The following SLC25A26 variants were observed in gnomAD, a reference collection of about 807,000 sequenced individuals.
SLC25A26 encodes mitochondrial S-adenosylmethionine carrier protein.
Under a neutral mutation model 37.8 loss-of-function variants are expected in SLC25A26, and 36 were observed. The ratio of observed to expected loss-of-function variants is 0.95; its 90% CI spans 0.73 to 1.26. The LOEUF is 1.26. Ranked by LOEUF, SLC25A26 falls within the 50% of genes most tolerant of loss-of-function variation. SLC25A26 has a pLI of 0.00. For missense variants in SLC25A26, 390 were observed against 331.1 expected (o/e 1.18, Z -1.38); for synonymous variants, 129 against 122.5 (o/e 1.05, Z -0.35).
chr3:66,225,623 C>T lies in SLC25A26; in HGVS notation c.33+4496C>T, dbSNP rs576270943. Among the ~76,000 whole-genome samples, 4 of 152,334 alleles carry T rather than the reference C, an allele frequency of 2.6e-5. No individual in the cohort carries two copies. The South Asian group carries it at 8.3e-4, about 32-fold the overall frequency. On this transcript the variant is annotated intron_variant, in intron 1 of 9. Transcript: ENST00000354883. Reference sequence around the variant, plus strand: ...GACTCCTGGTTATTTATGCAAATTTCTGCAGCCAGCTTGAATTTTTCTCCA... The same window carrying T: ...GACTCCTGGTTATTTATGCAAATTTTTGCAGCCAGCTTGAATTTTTCTCCA...
At chr3:66,326,351 A>G (rs902603498) in intron 5 of SLC25A26, among the ~76,000 whole-genome samples, 2 of 152,206 alleles carry the variant, frequency 1.3e-5, no homozygotes, top group African/African-American at 2.4e-5. Flanking sequence ...TGTCCCTGCA[A>G]AGTTCTGAGG....
chr3:66,357,543 C>A (rs577978298), intron 6 of SLC25A26, among the ~76,000 whole-genome samples: 1 of 152,090 alleles, frequency 6.6e-6, no homozygotes, highest in Non-Finnish European at 1.5e-5. Flanking sequence ...CAGCCTCCTC[C>A]GTGAGTTGAG....
rs115205769 is a variant in SLC25A26 at position 66,329,935 on chromosome 3, G to C, written c.454-16429G>C. 8.1e-3 allele frequency among the ~76,000 whole-genome samples: 1,226 copies of C among 152,230 alleles called. 14 individuals are homozygous for C. Among genetic ancestry groups the C allele is most frequent in the African/African-American group, 0.028 (1,180 of 41,544 alleles). ...AGCTATGGTATTGATCTTTATAACT[G>C]CTTTAGCATGTTTTTTGTAGGGATC... On this transcript the variant is annotated intron_variant, in intron 5 of 9. Coordinates refer to ENST00000354883, the MANE Select transcript of SLC25A26 (RefSeq NM_001379210.1).
chr3:66,347,921 G>A (rs1329726433), intron 6 of SLC25A26, among the ~76,000 whole-genome samples: 1 of 152,188 alleles, frequency 6.6e-6, no homozygotes, highest in African/African-American at 2.4e-5. Context: ...TGGGAGCTGA[G>A]CAAGGAGAAT....
chr3:66,329,753 G>A (rs1209989685), intron 5 of SLC25A26, among the ~76,000 whole-genome samples: 3 of 152,114 alleles, frequency 2.0e-5, no homozygotes, highest in South Asian at 4.1e-4. Flanking sequence ...TTATTTATGA[G>A]CTAGAGCCTT....
chr3:66,143,615 G>T (rs1418587601), intron 1 of SLC25A26, among the ~76,000 whole-genome samples: 35 of 152,198 alleles, frequency 2.3e-4, no homozygotes, highest in Non-Finnish European at 5.1e-4. Flanking sequence ...TGGGAACAGT[G>T]GTTCACGCCT....
intron 1 of SLC25A26, among the ~76,000 whole-genome samples, chr3:66,208,755 T>TACATACAC (rs1420468250): frequency 1.5e-5 from 1 of 66,006 alleles, no homozygotes; most frequent in South Asian, 5.3e-4. Flanking sequence ...TGTATATATA[T>TACATACAC]ATTTATATGG....
intron 1 of SLC25A26, among the ~76,000 whole-genome samples, chr3:66,230,175 T>C (rs548874527): frequency 1.8e-4 from 4 of 22,502 alleles, no homozygotes; most frequent in Non-Finnish European, 3.3e-4. Context: ...CGGTTAGATA[T>C]TTAGGAAGGC....
chr3:66,213,174 T>C (rs1017613974), intron 1 of SLC25A26, among the ~76,000 whole-genome samples: 150,880 of 152,098 alleles, frequency 0.99, 74,844 homozygotes, highest in East Asian at 1. Context: ...CCGAGGTGGG[T>C]GGATCACCTG....
chr3:66,373,583 G>A (rs1345339439), intron 9 of SLC25A26, among the ~76,000 whole-genome samples: 1 of 152,124 alleles, frequency 6.6e-6, no homozygotes, highest in Non-Finnish European at 1.5e-5. Flanking sequence ...CGTAAGGTAG[G>A]AGCAGGGAGG....
intron 5 of SLC25A26, among the ~76,000 whole-genome samples, chr3:66,272,728 A>G (rs971121830): frequency 3.9e-5 from 6 of 151,996 alleles, no homozygotes; most frequent in Non-Finnish European, 5.9e-5. Context: ...AAAATTAATT[A>G]CTGCTGCAAA....
chr3:66,271,371 T>A (rs2073953010), intron 5 of SLC25A26, among the ~76,000 whole-genome samples: 1 of 152,176 alleles, frequency 6.6e-6, no homozygotes, highest in Admixed American at 6.5e-5. Flanking sequence ...CCAGTCTCTT[T>A]CATTTTGCCT....
rs1370622579 is a variant in SLC25A26 at position 66,147,149 on chromosome 3, C to T, written c.-354+13165C>T. Among the ~76,000 whole-genome samples the T allele has an allele frequency of 2.4e-4, 25 of 106,166 alleles. No individual in the cohort carries two copies. The East Asian group carries it at 8.3e-3, about 35-fold the overall frequency. 69.6% of individuals were successfully genotyped at this position (106,166 alleles called of 152,430 possible). Reference sequence around the variant, plus strand: ...CTCCCTTCCCCTGCCCTCCCCGTCCCTCTTTTCTTTTCTTTTCTCTTTTCT... The same window carrying T: ...CTCCCTTCCCCTGCCCTCCCCGTCCTTCTTTTCTTTTCTTTTCTCTTTTCT... On this transcript the variant is annotated intron_variant, in intron 1 of 10. Transcript: ENST00000676754.
rs1084536 is a variant in SLC25A26 at position 66,310,119 on chromosome 3, A to G, written c.454-36245A>G. Among the ~76,000 whole-genome samples the G allele has an allele frequency of 3.0e-3, 464 of 152,200 alleles. 1 individual carries two copies. Among genetic ancestry groups the G allele is most frequent in the African/African-American group, 0.011 (450 of 41,538 alleles). ...TGAGGTGTTAAAGTCTCCCACTATT[A>G]TTGTGTGGAAGTCTAAGTTTCTTTG... On this transcript the variant is annotated intron_variant, in intron 5 of 9. Coordinates refer to ENST00000354883, the MANE Select transcript of SLC25A26 (RefSeq NM_001379210.1).
At chr3:66,370,478 G>A (rs1700286329) in intron 8 of SLC25A26, 51 bp from the exon 9 acceptor site, 2 of 1,443,280 alleles carry the variant, frequency 1.4e-6, no homozygotes, top group East Asian at 4.6e-5. Flanking sequence ...AGGCAAGTGT[G>A]TGATTGGGAG....
intron 6 of SLC25A26, among the ~76,000 whole-genome samples, chr3:66,360,981 A>G (rs1182290450): frequency 1.3e-5 from 2 of 152,250 alleles, no homozygotes; most frequent in Non-Finnish European, 2.9e-5. Flanking sequence ...GACAAATACT[A>G]CCTGGTTTCA....
At chr3:66,311,196 A>G (rs2075366689) in intron 5 of SLC25A26, among the ~76,000 whole-genome samples, 1 of 151,688 alleles carries the variant, frequency 6.6e-6, no homozygotes, top group African/African-American at 2.4e-5. Flanking sequence ...GTTCCTTTTC[A>G]TTATTTTTTC....
intron 3 of SLC25A26, among the ~76,000 whole-genome samples, chr3:66,249,027 C>G (rs1487273790): frequency 6.6e-6 from 1 of 152,164 alleles, no homozygotes; most frequent in Non-Finnish European, 1.5e-5. Flanking sequence ...CAGTAATTCC[C>G]TACATAATAT....
In SLC25A26 at chr3:66,226,577, T is replaced by G. The variant is rs183417119; in HGVS notation, c.33+5450T>G. On this transcript the variant is annotated intron_variant, in intron 1 of 9. Transcript: ENST00000354883. ...GATCCTCCCACCTCAGCCTCCTGAG[T>G]AGCTGGGACTAGAGGCATGCACCAA... 3.1e-3 allele frequency among the ~76,000 whole-genome samples: 468 copies of G among 152,178 alleles called. 2 individuals carry two copies. Among genetic ancestry groups the G allele is most frequent in the Middle Eastern group, 0.01 (3 of 294 alleles).
Sources: allele counts gnomAD v4.1 joint callset (sites outside exome capture counted in the v4.1 genomes callset), GRCh38; gene constraint gnomAD v4.1.1; transcripts MANE v1.5; gene names NCBI Gene and HGNC (gene_info 2026-07-23, HGNC 2026-07-21).